SGK3: variants seen among roughly 807,000 people sequenced by gnomAD.
SGK3 encodes serum/glucocorticoid regulated kinase family member 3.
SGK3 carries 47 observed loss-of-function variants against 68.5 expected under a neutral mutation model. The observed-to-expected ratio is 0.69, with a 90% CI of 0.54 to 0.87. The LOEUF (loss-of-function observed/expected upper bound fraction) is 0.87, where lower values mean the gene tolerates loss of function less well. SGK3 is among the 40% of genes least tolerant of loss of function. The pLI is 0.00. For synonymous variants in SGK3, 181 were observed against 189.1 expected, an observed-to-expected ratio of 0.96 and a Z score of 0.35; for missense variants, 479 against 575.5, an observed-to-expected ratio of 0.83 and a Z score of 1.72.
intron 1 of SGK3, among the ~76,000 whole-genome samples, chr8:66,773,549 A>G (rs1806585199): frequency 6.6e-6 from 1 of 152,234 alleles, no homozygotes; most frequent in Non-Finnish European, 1.5e-5. Context: ...GTAAGAGATT[A>G]ACTACCATAA....
chr8:66,840,723 C>T (rs1809765989), intron 12 of SGK3: 2 of 220,894 alleles, frequency 9.1e-6, no homozygotes, highest in Admixed American at 5.6e-5. Context: ...TTTGGGAGGC[C>T]AAGATGGGTG....
At chr8:66,794,915 T>C (rs560960136) in intron 2 of SGK3, among the ~76,000 whole-genome samples, 22 of 152,336 alleles carry the variant, frequency 1.4e-4, no homozygotes, top group African/African-American at 5.1e-4. Context: ...CTGCAGTTGA[T>C]GAACTAACCT....
At chr8:66,764,864 A>G (rs1806272686) in intron 1 of SGK3, among the ~76,000 whole-genome samples, 1 of 152,188 alleles carries the variant, frequency 6.6e-6, no homozygotes, top group African/African-American at 2.4e-5. Context: ...TTCAAGGTTC[A>G]TTCATTTTGT....
At chr8:66,789,192 A>G (rs1807335258) in intron 1 of SGK3, among the ~76,000 whole-genome samples, 1 of 152,114 alleles carries the variant, frequency 6.6e-6, no homozygotes, top group South Asian at 2.1e-4. Flanking sequence ...CATCTGATTA[A>G]ATTTATGGTA....
intron 1 of SGK3, among the ~76,000 whole-genome samples, chr8:66,771,533 A>G (rs1271704548): frequency 6.6e-6 from 1 of 152,194 alleles, no homozygotes; most frequent in East Asian, 1.9e-4. Flanking sequence ...GCTTGCTAAC[A>G]TAGGGAATTT....
intron 1 of SGK3, among the ~76,000 whole-genome samples, chr8:66,771,493 T>A (rs372483645): frequency 6.6e-6 from 1 of 152,230 alleles, no homozygotes; most frequent in African/African-American, 2.4e-5. Flanking sequence ...AAGGAAAATT[T>A]ACTCTCTAAA....
At chr8:66,798,686 G>A in intron 3 of SGK3, 61 bp downstream of exon 3, 2 of 1,420,952 alleles carry the variant, frequency 1.4e-6, no homozygotes, top group Non-Finnish European at 9.7e-7. Context: ...CCCAAAATAA[G>A]AGAGATGTAT....
intron 1 of SGK3, chr8:66,767,853 A>G (rs752969011): frequency 2.8e-6 from 4 of 1,418,112 alleles, no homozygotes; most frequent in Non-Finnish European, 4.0e-6. Context: ...ATGTGGGAGC[A>G]TCGAATGTTT....
rs59371496 is a variant in SGK3, at chr8:66,845,693, CTTATTTATTTATTTAT to C, written c.1075-1471_1075-1456del. 1.9e-3 allele frequency among the ~76,000 whole-genome samples: 263 copies of C among 139,836 alleles called. 2 individuals carry two copies. The highest frequency in any genetic ancestry group is 5.9e-3 in the African/African-American group (222 of 37,814). 91.7% of individuals were successfully genotyped at this position (139,836 alleles called of 152,430 possible). A position where few individuals can be genotyped will look rare whatever the true frequency, so the allele number is the denominator to read the frequency against. ...GGCATGCACCACCCCACCTAGCTTG[CTTATTTATTTATTTAT>C]TTATTTATTTATTTATTTATTTATT... On this transcript the variant is annotated intron_variant, in intron 14 of 16. Coordinates refer to ENST00000521198, the MANE Select transcript of SGK3 (RefSeq NM_001033578.3).
At chr8:66,717,699 A>AATT (rs966024309) in intron 1 of SGK3, among the ~76,000 whole-genome samples, 24 of 151,668 alleles carry the variant, frequency 1.6e-4, no homozygotes, top group Middle Eastern at 3.4e-3. Flanking sequence ...GTTTTTAATT[A>AATT]ATTATTATTA....
intron 10 of SGK3, among the ~76,000 whole-genome samples, chr8:66,837,447 G>T (rs1809582669): frequency 6.6e-6 from 1 of 152,080 alleles, no homozygotes; most frequent in African/African-American, 2.4e-5. Flanking sequence ...GGGGAAGATT[G>T]TAAAAAGAAT....
chr8:66,781,978 T>C (rs1478610116), intron 1 of SGK3, among the ~76,000 whole-genome samples: 1 of 152,226 alleles, frequency 6.6e-6, no homozygotes, highest in Non-Finnish European at 1.5e-5. Flanking sequence ...GTATCTTTCA[T>C]TGGCAGAGCC....
intron 1 of SGK3, among the ~76,000 whole-genome samples, chr8:66,729,154 G>T (rs796871097): frequency 1.2e-4 from 18 of 150,732 alleles, no homozygotes; most frequent in African/African-American, 4.4e-4. Context: ...AGGAGGCGGA[G>T]CTTGCAGTGA....
chr8:66,755,367 G>A lies in SGK3; in HGVS notation c.-121-38249G>A, dbSNP rs556632003. Among the ~76,000 whole-genome samples the A allele has an allele frequency of 2.0e-5, 3 of 152,272 alleles. No individual in the cohort carries two copies. The East Asian group carries it at 5.8e-4, about 29-fold the overall frequency. The stretch of plus-strand genomic sequence containing the variant: ...AGATTGTTGTACAATAACCCCCTTG[G>A]GGATGTTAAGTAAAACTGATAAAAC... On this transcript the variant is annotated intron_variant, in intron 1 of 16. Transcript: ENST00000521198.
intron 1 of SGK3, among the ~76,000 whole-genome samples, chr8:66,739,659 G>A (rs146647350): frequency 0.016 from 2,420 of 152,254 alleles, 20 homozygotes; most frequent in South Asian, 0.031. Flanking sequence ...GCCTCCCAAA[G>A]TGCTGGGATT....
chr8:66,753,880 C>G (rs1585670243), intron 1 of SGK3, among the ~76,000 whole-genome samples: 1 of 152,188 alleles, frequency 6.6e-6, no homozygotes, highest in Non-Finnish European at 1.5e-5. Context: ...CCAAAATATT[C>G]TAGCCACTCA....
intron 1 of SGK3, among the ~76,000 whole-genome samples, chr8:66,729,470 A>C (rs1286915049): frequency 2.7e-5 from 4 of 145,682 alleles, no homozygotes; most frequent in Non-Finnish European, 5.9e-5. Context: ...AAAAGAAAAA[A>C]GAAAAAAAAA....
At position 66,734,944 on chromosome 8, in the gene SGK3, C is replaced by CAAA. The variant is rs35047133; in HGVS notation, c.-122+22125_-122+22127dup. 2.0e-3 allele frequency among the ~76,000 whole-genome samples: 180 copies of CAAA among 91,156 alleles called. 1 individual carries two copies. Among genetic ancestry groups the CAAA allele is most frequent in the African/African-American group, 5.9e-3 (161 of 27,434 alleles). The allele number at this position is 91,156 out of a possible 152,430, so 59.8% of individuals were successfully genotyped here. A position where few individuals can be genotyped will look rare whatever the true frequency, so the allele number is the denominator to read the frequency against. On this transcript the variant is annotated intron_variant, in intron 1 of 16. Transcript: ENST00000521198. ...TGGGCAGCAGAGCAAGGCTCCATCT[C>CAAA]AAAAAAAAAAAAAAAAGTAGATATG...
At chr8:66,774,237 T>G (rs2130497891) in intron 1 of SGK3, among the ~76,000 whole-genome samples, 1 of 152,316 alleles carries the variant, frequency 6.6e-6, no homozygotes, top group South Asian at 2.1e-4. Flanking sequence ...CTCTTGGCAT[T>G]ATTTTCTGAA....
Sources: allele counts gnomAD v4.1 joint callset (sites outside exome capture counted in the v4.1 genomes callset), GRCh38; gene constraint gnomAD v4.1.1; transcripts MANE v1.5; gene names NCBI Gene and HGNC (gene_info 2026-07-23, HGNC 2026-07-21).